SPON1: variants seen among roughly 807,000 people sequenced by gnomAD.
The protein encoded by SPON1 is spondin-1.
A neutral mutation model predicts 111.7 loss-of-function variants in SPON1; 52 were observed. The observed-to-expected ratio is 0.47, with a 90% confidence interval of 0.37 to 0.59. The LOEUF (loss-of-function observed/expected upper bound fraction) is 0.59. Ranked by LOEUF, SPON1 falls within the 20% of genes least tolerant of loss-of-function variation. SPON1 has a pLI of 0.00. For synonymous variants in SPON1, 410 were observed against 395.8 expected, an observed-to-expected ratio of 1.04 and a Z score of -0.43; for missense variants, 957 against 1,068.5, an observed-to-expected ratio of 0.90 and a Z score of 1.46.
Position 14,260,745 on chromosome 11 carries a change from T to C in SPON1, c.1989T>C (p.Pro663=), listed in dbSNP as rs1849162232. ...DLEQVEKCML[P]ECPIDCELTE... ...AGCAGGTGGAGAAGTGCATGCTCCC[T>C]GAATGCCGTAAGTCCTGGAGCTCCT... is the stretch of plus-strand genomic sequence containing the variant. Residue 663 remains proline, a synonymous_variant, in exon 14 of 16, where the codon CCT becomes CCC. Transcript: ENST00000576479. 6.2e-7 allele frequency: 1 copy of C among 1,613,220 alleles called. No individual in the cohort carries two copies. The highest frequency in any genetic ancestry group is 8.5e-7 in the Non-Finnish European group (1 of 1,179,530).
chr11:14,058,355 T>C (rs1396875998), intron 3 of SPON1, among the ~76,000 whole-genome samples: 3 of 146,506 alleles, frequency 2.0e-5, no homozygotes, highest in Admixed American at 6.8e-5. Context: ...ACTCGCAGAG[T>C]GGTGGGAAAT....
At chr11:14,206,536 T>A (rs1237692401) in intron 6 of SPON1, among the ~76,000 whole-genome samples, 2 of 152,138 alleles carry the variant, frequency 1.3e-5, no homozygotes, top group Non-Finnish European at 1.5e-5. Flanking sequence ...CAACTTTTTA[T>A]TTTTTTGCTC....
chr11:14,126,918 C>A (rs1847466812), intron 5 of SPON1, among the ~76,000 whole-genome samples: 6 of 152,080 alleles, frequency 3.9e-5, no homozygotes, highest in African/African-American at 1.4e-4. Context: ...TTCTGCAGGC[C>A]CCAGATCAGA....
intron 3 of SPON1, 60 bp downstream of exon 3, chr11:14,041,714 G>GA: frequency 6.4e-7 from 1 of 1,563,590 alleles, no homozygotes; most frequent in African/African-American, 1.4e-5. Flanking sequence ...GTGATTGCAG[G>GA]GAAAAAAAAA....
At chr11:14,218,210 T>C (rs1337566013) in intron 6 of SPON1, among the ~76,000 whole-genome samples, 6 of 152,220 alleles carry the variant, frequency 3.9e-5, no homozygotes, top group African/African-American at 1.2e-4. Context: ...TGACCATTCC[T>C]TACAAGGAGA....
At chr11:14,205,049 A>G (rs910658345) in intron 6 of SPON1, among the ~76,000 whole-genome samples, 10 of 152,122 alleles carry the variant, frequency 6.6e-5, no homozygotes, top group South Asian at 2.1e-4. Context: ...CAGATAATCC[A>G]GTCATGTCCA....
intron 6 of SPON1, among the ~76,000 whole-genome samples, chr11:14,179,068 G>A (rs1416958650): frequency 6.6e-6 from 1 of 152,070 alleles, no homozygotes; most frequent in African/African-American, 2.4e-5. Flanking sequence ...CAAAATTCAG[G>A]GTATGGTGGT....
At chr11:14,002,263 T>A (rs1848324868) in intron 2 of SPON1, among the ~76,000 whole-genome samples, 3 of 152,188 alleles carry the variant, frequency 2.0e-5, no homozygotes. Context: ...ATCTCCTGGA[T>A]ACTTGTTTGT....
chr11:14,064,760 A>G (rs1848819438), intron 3 of SPON1, among the ~76,000 whole-genome samples: 1 of 152,156 alleles, frequency 6.6e-6, no homozygotes, highest in African/African-American at 2.4e-5. Flanking sequence ...GGCAGAGCAT[A>G]GGTAAATGGG....
chr11:14,244,674 G>C (rs1044307079), intron 7 of SPON1, among the ~76,000 whole-genome samples: 1 of 151,162 alleles, frequency 6.6e-6, no homozygotes, highest in East Asian at 2.0e-4. Context: ...CCCGGGTCCA[G>C]GGAGTCAAGC....
Position 14,140,820 on chromosome 11 carries a change from G to C in SPON1, c.825+5252G>C, listed in dbSNP as rs189577473. On this transcript the variant is annotated intron_variant, in intron 6 of 15. Transcript: ENST00000576479. The stretch of plus-strand genomic sequence containing the variant: ...ACCCAAGTTTTTATGTCCTTTCTCA[G>C]ATTGGAATTGCCCACTGCACAGCTA... Among the ~76,000 whole-genome samples, 11 of 152,112 alleles carry C rather than the reference G, an allele frequency of 7.2e-5. No individual in the cohort carries two copies. The East Asian group carries it at 2.1e-3, about 29-fold the overall frequency.
intron 5 of SPON1, among the ~76,000 whole-genome samples, chr11:14,122,586 A>G (rs1317871408): frequency 6.6e-6 from 1 of 151,422 alleles, no homozygotes; most frequent in Admixed American, 6.6e-5. Context: ...ACCCTAGTTC[A>G]TTTTTTTCAG....
At chr11:14,171,297 A>G (rs1554932433) in intron 6 of SPON1, among the ~76,000 whole-genome samples, 24 of 152,274 alleles carry the variant, frequency 1.6e-4, no homozygotes. Flanking sequence ...TGTTTATAGT[A>G]TTCTCTGATG....
intron 5 of SPON1, among the ~76,000 whole-genome samples, chr11:14,124,861 ATAATG>A (rs1301093935): frequency 2.6e-5 from 4 of 152,258 alleles, no homozygotes; most frequent in African/African-American, 9.6e-5. Flanking sequence ...GAAATAGAAA[ATAATG>A]TAATCAATTT....
At position 14,073,007 on chromosome 11, in the gene SPON1, A is replaced by AT. The variant is rs139889420; in HGVS notation, c.480-2328dup. The stretch of plus-strand genomic sequence containing the variant: ...GGACCAGAAATGTTTTAGATTTGTG[A>AT]TTTTTTTTTTCAGATTTTGGAATAT... On this transcript the variant is annotated intron_variant, in intron 3 of 15. Coordinates refer to ENST00000576479, the MANE Select transcript of SPON1 (RefSeq NM_006108.4). 8.2e-3 allele frequency among the ~76,000 whole-genome samples: 1,224 copies of AT among 150,168 alleles called. 3 individuals carry two copies. Among genetic ancestry groups the AT allele is most frequent in the Middle Eastern group, 0.021 (6 of 288 alleles).
chr11:13,985,530 G>T (rs141343845), intron 2 of SPON1, among the ~76,000 whole-genome samples: 3 of 152,270 alleles, frequency 2.0e-5, no homozygotes, highest in African/African-American at 7.2e-5. Context: ...AACCCGGGCA[G>T]TCTGTCTCTG....
Position 14,069,617 on chromosome 11 carries a change from G to A in SPON1, c.480-5728G>A, listed in dbSNP as rs782635923. Among the ~76,000 whole-genome samples, 34 of 152,036 alleles carry A rather than the reference G, an allele frequency of 2.2e-4. 1 individual carries two copies. Among genetic ancestry groups the A allele is most frequent in the Non-Finnish European group, 8.8e-5 (6 of 68,014 alleles). Reference sequence around the variant, plus strand: ...CCCACTAGCATAGGAGCTCCTTGCTGGAAGTCATCGTTTCTTATTCCTCTT... The same window carrying A: ...CCCACTAGCATAGGAGCTCCTTGCTAGAAGTCATCGTTTCTTATTCCTCTT... On this transcript the variant is annotated intron_variant, in intron 3 of 15. Transcript: ENST00000576479.
chr11:14,107,984 AGC>A (rs1849198336), intron 5 of SPON1, among the ~76,000 whole-genome samples: 1 of 152,176 alleles, frequency 6.6e-6, no homozygotes, highest in African/African-American at 2.4e-5. Flanking sequence ...TCATCTGTAA[AGC>A]AGGGATAATC....
At chr11:14,174,503 T>C (rs1170038683) in intron 6 of SPON1, among the ~76,000 whole-genome samples, 1 of 152,166 alleles carries the variant, frequency 6.6e-6, no homozygotes, top group African/African-American at 2.4e-5. Flanking sequence ...GAGGGATTTA[T>C]CTGCTTTTAA....
Sources: allele counts gnomAD v4.1 joint callset (sites outside exome capture counted in the v4.1 genomes callset), GRCh38; gene constraint gnomAD v4.1.1; transcripts MANE v1.5; gene names NCBI Gene and HGNC (gene_info 2026-07-23, HGNC 2026-07-21).